The following RHOF variants were observed in gnomAD, a reference collection of about 807,000 sequenced individuals.
RHOF encodes the protein rho-related GTP-binding protein RhoF.
RHOF carries 21 observed loss-of-function variants against 22.2 expected under a neutral mutation model. That is an observed-to-expected ratio of 0.95 (90% confidence interval 0.67 to 1.36). The LOEUF is 1.36. Among genes scored for constraint, RHOF ranks in the 40% most tolerant of loss-of-function variants. The pLI, the probability that RHOF is intolerant of heterozygous loss-of-function variation, is 0.00. For synonymous variants in RHOF, 135 were observed against 131.2 expected (o/e 1.03, Z -0.20); for missense variants, 285 against 293.7 (o/e 0.97, Z 0.22).
At position 121,778,382 on chromosome 12, in the gene RHOF, T is replaced by G. The variant is rs1301790811; in HGVS notation, c.*1116A>C. The G allele has an allele frequency of 7.1e-6, 1 of 141,166 alleles. No individual in the cohort carries two copies. Among genetic ancestry groups the G allele is most frequent in the Non-Finnish European group, 1.5e-5 (1 of 66,714 alleles). 8.7% of individuals were successfully genotyped at this position (141,166 alleles called of 1,614,324 possible). A position where few individuals can be genotyped will look rare whatever the true frequency, so the allele number is the denominator to read the frequency against. ...AAGAGAATCGCTTGAACCCAGGAGG[T>G]GGAGCTTGCAGTGAGCCAAGATCAT... On this transcript the variant is annotated 3_prime_UTR_variant, in exon 5 of 5. Coordinates refer to ENST00000267205, the MANE Select transcript of RHOF (RefSeq NM_019034.3).
intron 2 of RHOF, among the ~76,000 whole-genome samples, chr12:121,790,532 G>T (rs1182585025): frequency 6.6e-6 from 1 of 152,214 alleles, no homozygotes; most frequent in Non-Finnish European, 1.5e-5. Flanking sequence ...TCCAGGCCTT[G>T]CTCCATGACA....
intron 2 of RHOF, among the ~76,000 whole-genome samples, chr12:121,788,116 C>T (rs1014416680): frequency 2.6e-5 from 4 of 152,134 alleles, no homozygotes; most frequent in Non-Finnish European, 5.9e-5. Flanking sequence ...CCCCCAAAAG[C>T]CCTACAAGGT....
rs1393701435 is a variant in RHOF, at chr12:121,780,707, G to A, written c.471+165C>T. 6.6e-6 allele frequency: 5 copies of A among 759,264 alleles called. No individual in the cohort carries two copies. In the African/African-American group the frequency reaches 7.1e-5, roughly 11 times the overall value. 47.0% of individuals were successfully genotyped at this position (759,264 alleles called of 1,614,324 possible). A position where few individuals can be genotyped will look rare whatever the true frequency, so the allele number is the denominator to read the frequency against. On this transcript the variant is annotated intron_variant, in intron 4 of 4. Coordinates refer to ENST00000267205, the MANE Select transcript of RHOF (RefSeq NM_019034.3). ...TAAGGATTGGGAGTAGTCGTGTAAAGTGCTCAGGTCCACAGGCCATCAATA... is the reference window on the plus strand; with the variant it reads ...TAAGGATTGGGAGTAGTCGTGTAAAATGCTCAGGTCCACAGGCCATCAATA...
At chr12:121,785,451 G>A (rs1410236573) in intron 2 of RHOF, among the ~76,000 whole-genome samples, 12 of 142,566 alleles carry the variant, frequency 8.4e-5, no homozygotes. Context: ...TTTGGAGACA[G>A]GGTCTTGCTC....
At chr12:121,788,191 G>T (rs1458133531) in intron 2 of RHOF, among the ~76,000 whole-genome samples, 1 of 152,162 alleles carries the variant, frequency 6.6e-6, no homozygotes, top group Non-Finnish European at 1.5e-5. Context: ...GGAGTGACTT[G>T]CCCCAGGCCA....
chr12:121,780,804 T>C, intron 4 of RHOF, 68 bp downstream of exon 4: 4 of 1,533,326 alleles, frequency 2.6e-6, no homozygotes, highest in Non-Finnish European at 3.5e-6. Flanking sequence ...GCACCCCAGT[T>C]GCAGAGGCCA....
chr12:121,789,957 C>A (rs931724738), intron 2 of RHOF, among the ~76,000 whole-genome samples: 9 of 152,228 alleles, frequency 5.9e-5, no homozygotes, highest in Admixed American at 5.9e-4. Flanking sequence ...CACCTCACCC[C>A]GCCTCCCCCG....
At chr12:121,789,261 G>A (rs1469197603) in intron 2 of RHOF, among the ~76,000 whole-genome samples, 1 of 152,070 alleles carries the variant, frequency 6.6e-6, no homozygotes, top group Non-Finnish European at 1.5e-5. Context: ...AAAAACCCAG[G>A]AATTACATGC....
chr12:121,790,493 G>A (rs555144514), intron 2 of RHOF, among the ~76,000 whole-genome samples: 7 of 152,166 alleles, frequency 4.6e-5, no homozygotes, highest in Non-Finnish European at 1.0e-4. Context: ...TCCGGCATTC[G>A]GATCCACTAC....
chr12:121,786,382 G>A (rs1487112638), intron 2 of RHOF, among the ~76,000 whole-genome samples: 1 of 152,180 alleles, frequency 6.6e-6, no homozygotes, highest in Non-Finnish European at 1.5e-5. Flanking sequence ...GTCACACACA[G>A]CAGAGACAAG....
At chr12:121,786,507 G>C (rs139410481) in intron 2 of RHOF, among the ~76,000 whole-genome samples, 1 of 152,198 alleles carries the variant, frequency 6.6e-6, no homozygotes, top group Admixed American at 6.6e-5. Context: ...GCCCCGGGGC[G>C]CTGGAGGCAG....
rs1566531148 is a variant in RHOF at position 121,780,789 on chromosome 12, CTAA to C, written c.471+80_471+82del. 4.0e-6 allele frequency: 6 copies of C among 1,491,886 alleles called. No individual in the cohort carries two copies. The African/African-American group carries it at 5.6e-5, about 14-fold the overall frequency. 92.4% of individuals were successfully genotyped at this position (1,491,886 alleles called of 1,614,324 possible). ...CTTCCCTCAGCTCCCTGAAAGGCCA[CTAA>C]GGCACCCCAGTTGCAGAGGCCAAAG... On this transcript the variant is annotated intron_variant, in intron 4 of 4. Transcript: ENST00000267205.
chr12:121,788,707 G>A (rs1874680595), intron 2 of RHOF, among the ~76,000 whole-genome samples: 1 of 152,110 alleles, frequency 6.6e-6, no homozygotes, highest in South Asian at 2.1e-4. Flanking sequence ...TGGGAGAGGG[G>A]GTGATAACAG....
In RHOF at chr12:121,793,592, ACCGGGGGCGGCGGTCTGGGCCAGGGCC is replaced by A. The variant is rs776923916; in HGVS notation, c.15_41del (p.Ala6_Gly14del). ...CGATCTTCAGCTCCTTCCTGCCCGG[ACCGGGGGCGGCGGTCTGGGCCAGGGCC>A]CCGGGGGCATCCATTGCCCGGAGCC... On this transcript the variant is annotated inframe_deletion, in exon 1 of 5. Coordinates refer to ENST00000267205, the MANE Select transcript of RHOF (RefSeq NM_019034.3). 3 of 1,552,176 alleles carry A rather than the reference ACCGGGGGCGGCGGTCTGGGCCAGGGCC, an allele frequency of 1.9e-6. No homozygotes were observed. Among genetic ancestry groups the A allele is most frequent in the Non-Finnish European group, 1.7e-6 (2 of 1,153,538 alleles).
At chr12:121,789,344 G>A (rs182818077) in intron 2 of RHOF, among the ~76,000 whole-genome samples, 28 of 152,184 alleles carry the variant, frequency 1.8e-4, no homozygotes, top group Admixed American at 3.9e-4. Flanking sequence ...TCGTCCTGAC[G>A]TGCACTCAGG....
In RHOF at chr12:121,781,109, TG is replaced by T; in HGVS notation, c.309del (p.Thr104ProfsTer32). 6.2e-7 allele frequency: 1 copy of T among 1,614,028 alleles called. No homozygotes were observed. The highest frequency in any genetic ancestry group is 8.5e-7 in the Non-Finnish European group (1 of 1,179,988). On this transcript the variant is annotated frameshift_variant, in exon 3 of 5. Transcript: ENST00000267205. LOFTEE classifies it high-confidence loss of function. Reference sequence around the variant, plus strand: ...TTGATGAGGACGTTGTCGTAGCTGGTGGGATTCATGACGTCATAGCAGATGA... The same window carrying T: ...TTGATGAGGACGTTGTCGTAGCTGGTGGATTCATGACGTCATAGCAGATGA... ...LVLICYDVMNPTSYDNVLIKW... is the reference protein window; with the variant it reads ...LVLICYDVMNXTSYDNVLIKW...
chr12:121,779,771 G>T, intron 4 of RHOF, 109 bp from the exon 5 acceptor site: 1 of 1,182,946 alleles, frequency 8.5e-7, no homozygotes, highest in Non-Finnish European at 1.2e-6. Flanking sequence ...TGGAGGCCTT[G>T]GTTTGGGCCT....
At chr12:121,787,648 T>G (rs1024542492) in intron 2 of RHOF, among the ~76,000 whole-genome samples, 1 of 152,274 alleles carries the variant, frequency 6.6e-6, no homozygotes, top group Non-Finnish European at 1.5e-5. Flanking sequence ...ATGCTTGTAA[T>G]CCCAGCACTT....
intron 2 of RHOF, chr12:121,781,945 A>G (rs750368044): frequency 6.6e-6 from 1 of 152,236 alleles, no homozygotes; most frequent in Non-Finnish European, 1.5e-5. Context: ...CTGAATCCAA[A>G]TACGGATCTA....
Sources: gnomAD v4.1 joint callset for allele counts (sites outside exome capture counted in the v4.1 genomes callset) on GRCh38, gnomAD v4.1.1 for gene constraint, MANE v1.5 for transcripts, NCBI Gene and HGNC (gene_info 2026-07-23, HGNC 2026-07-21) for gene names.